TRIM14: variants seen among roughly 807,000 people sequenced by gnomAD.
TRIM14 encodes the protein tripartite motif-containing protein 14.
Under a neutral mutation model 44.5 loss-of-function variants are expected in TRIM14, and 28 were observed. The ratio of observed to expected loss-of-function variants is 0.63; its 90% CI spans 0.47 to 0.86. The LOEUF is 0.86. Ranked by LOEUF, TRIM14 falls within the 40% of genes least tolerant of loss-of-function variation. The probability of loss-of-function intolerance (pLI) is 0.00; values close to 1 mark genes in which losing one functional copy is unlikely to be tolerated. For synonymous variants in TRIM14, 299 were observed against 269.2 expected (o/e 1.11, Z -1.08); for missense variants, 607 against 611.1 (o/e 0.99, Z 0.07).
At chr9:98,111,656 C>T (rs940942614) in intron 1 of TRIM14, among the ~76,000 whole-genome samples, 9 of 152,120 alleles carry the variant, frequency 5.9e-5, no homozygotes, top group African/African-American at 1.9e-4. Flanking sequence ...AAGTTGTTTT[C>T]AGGCTGGACA....
intron 5 of TRIM14, among the ~76,000 whole-genome samples, chr9:98,088,623 A>G (rs1258040639): frequency 1.3e-5 from 2 of 152,378 alleles, no homozygotes; most frequent in East Asian, 3.9e-4. Context: ...TTGACACATC[A>G]TAATATCCTT....
intron 3 of TRIM14, among the ~76,000 whole-genome samples, chr9:98,097,318 C>T (rs1167174766): frequency 3.3e-5 from 5 of 152,048 alleles, no homozygotes; most frequent in Admixed American, 2.0e-4. Flanking sequence ...CTCAATCCCC[C>T]CACCCTTATA....
the TRIM14 span, chr9:98,056,775 C>G: frequency 1.2e-6 from 2 of 1,603,184 alleles, no homozygotes; most frequent in South Asian, 1.1e-5. Context: ...CGGACCCAGA[C>G]TGGTAGTGAG....
the TRIM14 span, among the ~76,000 whole-genome samples, chr9:98,051,121 C>A: frequency 2.2e-4 from 34 of 152,102 alleles, no homozygotes; most frequent in Non-Finnish European, 4.1e-4. Context: ...GAAGAGAGAC[C>A]GTTTGATATT....
the TRIM14 span, among the ~76,000 whole-genome samples, chr9:98,052,852 C>T: frequency 6.6e-6 from 1 of 152,174 alleles, no homozygotes; most frequent in East Asian, 1.9e-4. Flanking sequence ...ATATTTCTGG[C>T]TTTTGAATTC....
At chr9:98,042,020 C>T in the TRIM14 span, among the ~76,000 whole-genome samples, 35 of 151,472 alleles carry the variant, frequency 2.3e-4, no homozygotes, top group Non-Finnish European at 4.4e-4. Context: ...CCTGGCCGGG[C>T]GCGGTGGCTC....
chr9:98,114,427 G>A (rs1826971895), intron 1 of TRIM14, among the ~76,000 whole-genome samples: 1 of 151,740 alleles, frequency 6.6e-6, no homozygotes, highest in Non-Finnish European at 1.5e-5. Flanking sequence ...TCCACCTCCC[G>A]GGTTCATGCC....
intron 6 of TRIM14, chr9:98,077,005 A>AC: frequency 6.2e-7 from 1 of 1,607,700 alleles, no homozygotes; most frequent in African/African-American, 1.3e-5. Context: ...TCTGGAAAAG[A>AC]CAGCCAAAAA....
downstream of TRIM14, chr9:98,081,006 C>T: frequency 6.2e-7 from 1 of 1,614,192 alleles, no homozygotes; most frequent in Non-Finnish European, 8.5e-7. Flanking sequence ...CTGGTGCGGT[C>T]AGTGCGTCTT....
downstream of TRIM14, chr9:98,081,506 T>TAAGC (rs1291875011): frequency 5.9e-6 from 1 of 168,792 alleles, no homozygotes; most frequent in Non-Finnish European, 1.3e-5. Flanking sequence ...TGGCATTTCC[T>TAAGC]AAGCCAGGGT....
chr9:98,057,401 C>G, the TRIM14 span, among the ~76,000 whole-genome samples: 1 of 152,156 alleles, frequency 6.6e-6, no homozygotes, highest in East Asian at 1.9e-4. Flanking sequence ...TTGCTGTGGT[C>G]TCTCTCACCC....
Position 98,078,228 on chromosome 9 carries a change from A to G in TRIM14, c.*29-8541T>C, listed in dbSNP as rs1359203722. ...GGTGATCTCCAGTGGGATGCAGTCAATGGACACCATGAAGCAAGTTTATCA... is the reference window on the plus strand; with the variant it reads ...GGTGATCTCCAGTGGGATGCAGTCAGTGGACACCATGAAGCAAGTTTATCA... On this transcript the variant is annotated intron_variant, in intron 6 of 6. Transcript: ENST00000375098. 1.4e-5 allele frequency: 23 copies of G among 1,614,042 alleles called. No individual in the cohort carries two copies. Among genetic ancestry groups the G allele is most frequent in the Middle Eastern group, 1.6e-4 (1 of 6,084 alleles).
the TRIM14 span, chr9:98,056,925 G>T: frequency 6.2e-7 from 1 of 1,603,418 alleles, no homozygotes; most frequent in Non-Finnish European, 8.5e-7. Context: ...CCAAGCGCAT[G>T]ATCCGCATGG....
At chr9:98,117,698 T>C (rs1036713006) in intron 1 of TRIM14, among the ~76,000 whole-genome samples, 8 of 152,238 alleles carry the variant, frequency 5.3e-5, no homozygotes, top group Non-Finnish European at 8.8e-5. Context: ...GAGTGGATAG[T>C]CACAGAAATT....
the TRIM14 span, among the ~76,000 whole-genome samples, chr9:98,057,793 A>C: frequency 2.6e-5 from 4 of 151,846 alleles, no homozygotes; most frequent in African/African-American, 9.7e-5. Context: ...ATGCTACTCA[A>C]CTGATTTTGT....
intron 1 of TRIM14, among the ~76,000 whole-genome samples, chr9:98,114,611 C>T (rs1048792701): frequency 7.2e-5 from 11 of 152,230 alleles, no homozygotes; most frequent in South Asian, 2.1e-4. Flanking sequence ...CGTGAGCCAC[C>T]GCACCCAGCC....
chr9:98,078,441 C>G (rs568908824), intron 6 of TRIM14: 3 of 1,439,936 alleles, frequency 2.1e-6, no homozygotes, highest in East Asian at 2.3e-5. Context: ...ACATGGCATA[C>G]TTTATAATTT....
At chr9:98,098,436 G>C (rs1826261138) in intron 3 of TRIM14, among the ~76,000 whole-genome samples, 1 of 152,054 alleles carries the variant, frequency 6.6e-6, no homozygotes, top group Non-Finnish European at 1.5e-5. Context: ...CATCGGCCGG[G>C]TGCGGTGGCT....
At chr9:98,078,321 G>A in intron 6 of TRIM14, 1 of 1,613,998 alleles carries the variant, frequency 6.2e-7, no homozygotes, top group Non-Finnish European at 8.5e-7. Context: ...GCTCCAGCCT[G>A]AGGACGTCAA....
Sources: allele counts gnomAD v4.1 joint callset (sites outside exome capture counted in the v4.1 genomes callset), GRCh38; gene constraint gnomAD v4.1.1; transcripts MANE v1.5; gene names NCBI Gene and HGNC (gene_info 2026-07-23, HGNC 2026-07-21).